EXOC2: variants seen among roughly 807,000 people sequenced by gnomAD.
EXOC2 encodes SEC5-like 1.
A neutral mutation model predicts 131.8 loss-of-function variants in EXOC2; 70 were observed. The observed-to-expected ratio is 0.53, with a 90% confidence interval of 0.44 to 0.65. The LOEUF is 0.65. Among genes scored for constraint, EXOC2 ranks in the 30% least tolerant of loss-of-function variants. The probability of loss-of-function intolerance (pLI) is 0.00; values close to 1 mark genes in which losing one functional copy is unlikely to be tolerated. For synonymous variants in EXOC2, 411 were observed against 398.4 expected, an observed-to-expected ratio of 1.03 and a Z score of -0.38; for missense variants, 923 against 1,108.6, an observed-to-expected ratio of 0.83 and a Z score of 2.38.
intron 13 of EXOC2, among the ~76,000 whole-genome samples, chr6:566,366 C>T (rs1757964649): frequency 6.6e-6 from 1 of 152,200 alleles, no homozygotes; most frequent in Non-Finnish European, 1.5e-5. Context: ...TGCAGTGGCC[C>T]AGGTGAACAC....
chr6:512,069 T>A (rs1004768686), intron 23 of EXOC2, among the ~76,000 whole-genome samples: 1 of 152,254 alleles, frequency 6.6e-6, no homozygotes, highest in African/African-American at 2.4e-5. Flanking sequence ...GCAAGGTGCA[T>A]ATACACACAC....
At chr6:522,935 A>G (rs1765553599) in intron 23 of EXOC2, among the ~76,000 whole-genome samples, 1 of 152,252 alleles carries the variant, frequency 6.6e-6, no homozygotes, top group African/African-American at 2.4e-5. Flanking sequence ...CATGACCAGT[A>G]CTAAAGCTGT....
intron 22 of EXOC2, among the ~76,000 whole-genome samples, chr6:543,916 A>G (rs1756693159): frequency 6.6e-6 from 1 of 152,222 alleles, no homozygotes; most frequent in Non-Finnish European, 1.5e-5. Flanking sequence ...ATGCAGGTCA[A>G]AAATAAAGAA....
At chr6:647,954 G>A (rs868330601) in intron 1 of EXOC2, among the ~76,000 whole-genome samples, 3 of 151,988 alleles carry the variant, frequency 2.0e-5, no homozygotes, top group South Asian at 2.1e-4. Context: ...TCTTCCAGAC[G>A]CACAAAGCAG....
rs1284207897 is a variant in EXOC2, at chr6:586,792, GT to G, written c.1192+5676del. Reference sequence around the variant, plus strand: ...GGGGGAGTGACCTGGACACCCACTAGTCCCACCCCTGCTCAGGATACGGAGG... The same window carrying G: ...GGGGGAGTGACCTGGACACCCACTAGCCCACCCCTGCTCAGGATACGGAGG... On this transcript the variant is annotated intron_variant, in intron 11 of 27. Transcript: ENST00000230449. Among the ~76,000 whole-genome samples, 3 of 152,282 alleles carry G rather than the reference GT, an allele frequency of 2.0e-5. No homozygotes were observed. The East Asian group carries it at 5.8e-4, about 29-fold the overall frequency.
At chr6:537,397 C>T (rs1199004073) in intron 22 of EXOC2, among the ~76,000 whole-genome samples, 1 of 149,884 alleles carries the variant, frequency 6.7e-6, no homozygotes, top group East Asian at 2.0e-4. Flanking sequence ...AGCGTACACT[C>T]GAGTTCATGA....
chr6:580,408 G>A (rs1171311777), intron 11 of EXOC2, among the ~76,000 whole-genome samples: 1 of 152,132 alleles, frequency 6.6e-6, no homozygotes, highest in Non-Finnish European at 1.5e-5. Flanking sequence ...TCAAACTAAT[G>A]CTGCATTGAT....
At chr6:567,868 G>C (rs2127590400) in intron 13 of EXOC2, among the ~76,000 whole-genome samples, 1 of 152,322 alleles carries the variant, frequency 6.6e-6, no homozygotes, top group East Asian at 1.9e-4. Flanking sequence ...GTGGCCCCGG[G>C]AGGCAGATCT....
At chr6:563,914 T>C (rs1474666362) in intron 16 of EXOC2, 119 bp downstream of exon 16, 4 of 1,382,340 alleles carry the variant, frequency 2.9e-6, no homozygotes, top group Non-Finnish European at 3.9e-6. Flanking sequence ...GATGAACTAA[T>C]ATATTCCAAT....
chr6:627,757 CTATT>C (rs1371641498), intron 4 of EXOC2, among the ~76,000 whole-genome samples: 12 of 152,158 alleles, frequency 7.9e-5, no homozygotes, highest in African/African-American at 2.4e-4. Flanking sequence ...GCTCTGACAT[CTATT>C]TATTTTATAT....
At chr6:656,595 T>G in intron 1 of EXOC2, 2 of 1,595,360 alleles carry the variant, frequency 1.3e-6, no homozygotes, top group Admixed American at 1.7e-5. Flanking sequence ...CGAGACCAGC[T>G]CCACCGCCAC....
chr6:668,478 C>T (rs1328713691), intron 1 of EXOC2, among the ~76,000 whole-genome samples: 1 of 152,168 alleles, frequency 6.6e-6, no homozygotes, highest in Non-Finnish European at 1.5e-5. Flanking sequence ...GCGTTAGGTC[C>T]CTCAACACCC....
intron 12 of EXOC2, among the ~76,000 whole-genome samples, chr6:576,117 T>C (rs1758563787): frequency 6.6e-6 from 1 of 152,234 alleles, no homozygotes; most frequent in Non-Finnish European, 1.5e-5. Context: ...TAATACAATG[T>C]AAGGTATTTC....
At chr6:648,815 G>A (rs1300933530) in intron 1 of EXOC2, among the ~76,000 whole-genome samples, 2 of 149,970 alleles carry the variant, frequency 1.3e-5, no homozygotes, top group Non-Finnish European at 3.0e-5. Flanking sequence ...TCGAACTCCT[G>A]GGCTCAAGCA....
rs565124862 is a variant in EXOC2 at position 486,579 on chromosome 6, A to T, written c.*92T>A. 3.0e-5 allele frequency: 35 copies of T among 1,160,832 alleles called. No homozygotes were observed. The highest frequency in any genetic ancestry group is 4.1e-5 in the Non-Finnish European group (33 of 804,298). 71.9% of individuals were successfully genotyped at this position (1,160,832 alleles called of 1,614,324 possible). A position where few individuals can be genotyped will look rare whatever the true frequency, so the allele number is the denominator to read the frequency against. ...AAAAAAGAGAAAAATGGCAAACCCA[A>T]TGTTTAATACACCAAATACCTTTAG... On this transcript the variant is annotated 3_prime_UTR_variant, in exon 28 of 28. Coordinates refer to ENST00000230449, the MANE Select transcript of EXOC2 (RefSeq NM_018303.6).
At chr6:569,263 C>T (rs574927617) in intron 13 of EXOC2, among the ~76,000 whole-genome samples, 3 of 152,158 alleles carry the variant, frequency 2.0e-5, no homozygotes, top group Non-Finnish European at 2.9e-5. Flanking sequence ...TTAACCATTT[C>T]GTTAACTAGA....
At chr6:487,364 G>C (rs1461996465) in intron 27 of EXOC2, among the ~76,000 whole-genome samples, 2 of 152,194 alleles carry the variant, frequency 1.3e-5, no homozygotes, top group Non-Finnish European at 2.9e-5. Flanking sequence ...TTTGCTGCCT[G>C]ATATCGCAAT....
chr6:508,117 T>C (rs1040514228), intron 23 of EXOC2, among the ~76,000 whole-genome samples: 1 of 152,230 alleles, frequency 6.6e-6, no homozygotes, highest in Non-Finnish European at 1.5e-5. Flanking sequence ...CTGTAATCTA[T>C]AACAATTTTT....
intron 23 of EXOC2, among the ~76,000 whole-genome samples, chr6:508,860 C>T (rs907117625): frequency 6.6e-6 from 1 of 152,252 alleles, no homozygotes; most frequent in African/African-American, 2.4e-5. Context: ...AAACTGTCTT[C>T]CAAAGTGGCT....
Sources: allele counts gnomAD v4.1 joint callset (sites outside exome capture counted in the v4.1 genomes callset), GRCh38; gene constraint gnomAD v4.1.1; transcripts MANE v1.5; gene names NCBI Gene and HGNC (gene_info 2026-07-23, HGNC 2026-07-21).